Variants in MAP4K4 observed in about 807,000 individuals in gnomAD.
The protein encoded by MAP4K4 is mitogen-activated protein kinase kinase kinase kinase 4.
A neutral mutation model predicts 189.6 loss-of-function variants in MAP4K4; 38 were observed. That is an observed-to-expected ratio of 0.20 (90% CI 0.15 to 0.26). The LOEUF (loss-of-function observed/expected upper bound fraction) is 0.26. MAP4K4 is among the 10% of genes least tolerant of loss of function. MAP4K4 has a pLI of 1.00. For missense variants in MAP4K4, 1,054 were observed against 1,726.9 expected (o/e 0.61, Z 6.91); for synonymous variants, 610 against 624.3 (o/e 0.98, Z 0.34).
intron 2 of MAP4K4, among the ~76,000 whole-genome samples, chr2:101,703,696 G>A (rs1163120002): frequency 5.9e-5 from 9 of 151,352 alleles, no homozygotes; most frequent in Non-Finnish European, 1.0e-4. Context: ...GTGGTAAAGT[G>A]CCATATAGAT....
At chr2:101,715,171 T>C (rs1419543815) in intron 2 of MAP4K4, among the ~76,000 whole-genome samples, 1 of 152,192 alleles carries the variant, frequency 6.6e-6, no homozygotes, top group African/African-American at 2.4e-5. Context: ...AATTTGCAAA[T>C]GGCCACCTTC....
intron 2 of MAP4K4, among the ~76,000 whole-genome samples, chr2:101,716,637 C>T (rs146647276): frequency 8.5e-5 from 13 of 152,160 alleles, no homozygotes; most frequent in Non-Finnish European, 1.2e-4. Flanking sequence ...TTGCTGGCTT[C>T]GTGTTGTATA....
At chr2:101,710,293 G>C (rs1174162073) in intron 2 of MAP4K4, among the ~76,000 whole-genome samples, 2 of 152,202 alleles carry the variant, frequency 1.3e-5, no homozygotes, top group African/African-American at 4.8e-5. Flanking sequence ...TGGCATATTA[G>C]AGCATCTTAG....
intron 2 of MAP4K4, among the ~76,000 whole-genome samples, chr2:101,758,183 A>G (rs1002839932): frequency 2.6e-5 from 4 of 152,206 alleles, no homozygotes; most frequent in Non-Finnish European, 5.9e-5. Flanking sequence ...TGGGGGTACT[A>G]CTGTTGTCTG....
chr2:101,710,868 G>A (rs1398316577), intron 2 of MAP4K4, among the ~76,000 whole-genome samples: 5 of 152,184 alleles, frequency 3.3e-5, no homozygotes, highest in Admixed American at 2.6e-4. Flanking sequence ...AAAGATAGGA[G>A]GGGTGTGTTC....
chr2:101,790,253 G>C (rs1045727888), intron 2 of MAP4K4, among the ~76,000 whole-genome samples: 3 of 152,080 alleles, frequency 2.0e-5, no homozygotes, highest in Non-Finnish European at 4.4e-5. Flanking sequence ...AAAGTCTCTA[G>C]AGGGTTTTTT....
chr2:101,745,980 G>GTGTA (rs1420252920), intron 2 of MAP4K4, among the ~76,000 whole-genome samples: 1 of 147,444 alleles, frequency 6.8e-6, no homozygotes, highest in East Asian at 2.0e-4. Context: ...CTTTGTGTGT[G>GTGTA]TGTGTGTGTG....
At chr2:101,872,456 G>A (rs1159746569) in intron 24 of MAP4K4, among the ~76,000 whole-genome samples, 2 of 152,090 alleles carry the variant, frequency 1.3e-5, no homozygotes, top group Non-Finnish European at 2.9e-5. Context: ...TTTGAACAGG[G>A]TTATACTCCA....
chr2:101,829,810 C>T, intron 6 of MAP4K4: 1 of 457,408 alleles, frequency 2.2e-6, no homozygotes, highest in Non-Finnish European at 4.0e-6. Flanking sequence ...CTCTATACAG[C>T]AGCCAGACTG....
intron 3 of MAP4K4, among the ~76,000 whole-genome samples, chr2:101,822,909 C>T (rs889778154): frequency 6.6e-6 from 1 of 152,208 alleles, no homozygotes; most frequent in African/African-American, 2.4e-5. Flanking sequence ...TGATCTTACA[C>T]TGTGCTTTTC....
chr2:101,733,268 T>G (rs1026845519), intron 2 of MAP4K4, among the ~76,000 whole-genome samples: 15 of 152,072 alleles, frequency 9.9e-5, no homozygotes, highest in Admixed American at 2.6e-4. Flanking sequence ...GCAGGGATGA[T>G]GAGGAAAGGC....
At chr2:101,766,718 GT>G (rs1240947774) in intron 2 of MAP4K4, among the ~76,000 whole-genome samples, 1 of 149,656 alleles carries the variant, frequency 6.7e-6, no homozygotes, top group Admixed American at 6.7e-5. Context: ...TTCCCTTTAT[GT>G]TTCCTGTTCT....
intron 2 of MAP4K4, among the ~76,000 whole-genome samples, chr2:101,745,433 C>T (rs1450066852): frequency 1.2e-5 from 1 of 81,132 alleles, no homozygotes; most frequent in African/African-American, 5.3e-5. Flanking sequence ...AGATTTGCCC[C>T]CAGGTAAAAA....
intron 2 of MAP4K4, among the ~76,000 whole-genome samples, chr2:101,736,647 A>AT (rs1208656563): frequency 2.0e-5 from 3 of 152,078 alleles, no homozygotes; most frequent in African/African-American, 4.8e-5. Flanking sequence ...TATTCAGTAT[A>AT]TTTTTTTCTG....
intron 2 of MAP4K4, among the ~76,000 whole-genome samples, chr2:101,760,194 C>T (rs1234043190): frequency 6.6e-6 from 1 of 151,538 alleles, no homozygotes; most frequent in Non-Finnish European, 1.5e-5. Context: ...TTTAAGTTTC[C>T]AAAATATTTT....
intron 2 of MAP4K4, among the ~76,000 whole-genome samples, chr2:101,736,364 G>T (rs958823318): frequency 6.6e-6 from 1 of 152,120 alleles, no homozygotes; most frequent in Non-Finnish European, 1.5e-5. Flanking sequence ...CCTGCTTCTT[G>T]CCCATCTCCT....
chr2:101,729,983 C>T (rs367765968), intron 2 of MAP4K4, among the ~76,000 whole-genome samples: 26 of 152,258 alleles, frequency 1.7e-4, no homozygotes, highest in East Asian at 7.7e-4. Flanking sequence ...TGTCTCCTCC[C>T]GCAGCTCCGT....
chr2:101,698,825 A>G (rs560218255), intron 2 of MAP4K4, among the ~76,000 whole-genome samples: 2 of 152,214 alleles, frequency 1.3e-5, no homozygotes, highest in East Asian at 3.9e-4. Flanking sequence ...AAATAAGACA[A>G]CCTGAATTTT....
chr2:101,810,576 T>C (rs2095355912), intron 3 of MAP4K4, among the ~76,000 whole-genome samples: 1 of 152,146 alleles, frequency 6.6e-6, no homozygotes, highest in Middle Eastern at 3.2e-3. Context: ...TTTTATGATT[T>C]TCCCCCCCAA....
Sources: gnomAD v4.1 joint callset for allele counts (sites outside exome capture counted in the v4.1 genomes callset) on GRCh38, gnomAD v4.1.1 for gene constraint, MANE v1.5 for transcripts, NCBI Gene and HGNC (gene_info 2026-07-23, HGNC 2026-07-21) for gene names.